Variants in RAPH1 observed in about 807,000 individuals in gnomAD.
RAPH1 encodes the protein ras-associated and pleckstrin homology domains-containing protein 1.
In RAPH1, 18 loss-of-function variants were observed where a neutral mutation model predicts 88.1. That is an observed-to-expected ratio of 0.20 (90% CI 0.14 to 0.30). The LOEUF is 0.30. Ranked by LOEUF, RAPH1 falls within the 10% of genes least tolerant of loss-of-function variation. The probability of loss-of-function intolerance (pLI) is 1.00; values close to 1 mark genes in which losing one functional copy is unlikely to be tolerated. For synonymous variants in RAPH1, 587 were observed against 559.0 expected, an observed-to-expected ratio of 1.05 and a Z score of -0.71; for missense variants, 1,448 against 1,543.2, an observed-to-expected ratio of 0.94 and a Z score of 1.03.
chr2:203,518,305 CG>C (rs1323625666), intron 1 of RAPH1, among the ~76,000 whole-genome samples: 3 of 151,974 alleles, frequency 2.0e-5, no homozygotes, highest in Admixed American at 2.0e-4. Flanking sequence ...CACTTGAGGT[CG>C]GGAGTTTGAG....
chr2:203,441,859 C>T, intron 13 of RAPH1: 1 of 1,342,564 alleles, frequency 7.4e-7, no homozygotes, highest in Non-Finnish European at 9.6e-7. Flanking sequence ...CAAGCAGATG[C>T]TATAACTGGG....
Position 203,448,678 on chromosome 2 carries a change from G to A in RAPH1, c.1512+60C>T, listed in dbSNP as rs1174691472. The A allele has an allele frequency of 2.3e-5, 28 of 1,224,990 alleles. No individual in the cohort carries two copies. The highest frequency in any genetic ancestry group is 3.1e-5 in the African/African-American group (2 of 64,710). 75.9% of individuals were successfully genotyped at this position (1,224,990 alleles called of 1,614,324 possible). ...TAGTCAGAATAGTTGTCATGAAAACGAAAACTATATCATCGACAAACACCT... is the reference window on the plus strand; with the variant it reads ...TAGTCAGAATAGTTGTCATGAAAACAAAAACTATATCATCGACAAACACCT... On this transcript the variant is annotated intron_variant, in intron 11 of 13. Coordinates refer to ENST00000319170, the MANE Select transcript of RAPH1 (RefSeq NM_213589.3). This position sits in a 1 kb window ranked among gnomAD's most constrained non-coding sequence, Gnocchi z 4.1.
At position 203,457,557 on chromosome 2, in the gene RAPH1, T is replaced by C; in HGVS notation, c.1131A>G (p.Ala377=). The C allele has an allele frequency of 6.2e-7, 1 of 1,612,816 alleles. No individual in the cohort carries two copies. The highest frequency in any genetic ancestry group is 8.5e-7 in the Non-Finnish European group (1 of 1,178,846). The change falls in exon 8 of 14, where the codon GCA becomes GCG. Residue 377 remains alanine, a synonymous_variant. Transcript: ENST00000319170. ...CCAAGAGGACTTCTTTGTTTCTATC[T>C]GCCATCTCAGCTGTTTCTTTTTTCC... ...LLGKKETAEM[A]DRNKEVLLEE...
chr2:203,461,978 A>C, intron 4 of RAPH1, 53 bp from the exon 5 acceptor site: 1 of 1,475,582 alleles, frequency 6.8e-7, no homozygotes. Context: ...GAAATATTTG[A>C]GAAATCTTTT....
chr2:203,505,629 C>T (rs1046650793), intron 1 of RAPH1, among the ~76,000 whole-genome samples: 3 of 152,162 alleles, frequency 2.0e-5, no homozygotes, highest in Non-Finnish European at 4.4e-5. Context: ...TTAACTATTA[C>T]ACAATATGCC....
intron 1 of RAPH1, among the ~76,000 whole-genome samples, chr2:203,522,451 T>C (rs1689925276): frequency 6.6e-6 from 1 of 152,226 alleles, no homozygotes; most frequent in Non-Finnish European, 1.5e-5. Flanking sequence ...CTTAATAGAT[T>C]AGAAGATGCA....
At chr2:203,451,015 GGTATAA>G (rs1559453213) in intron 10 of RAPH1, among the ~76,000 whole-genome samples, 1 of 151,942 alleles carries the variant, frequency 6.6e-6, no homozygotes, top group East Asian at 1.9e-4. Context: ...AGAGTACTAT[GGTATAA>G]GTATGAGTCT....
intron 4 of RAPH1, among the ~76,000 whole-genome samples, chr2:203,465,659 G>A (rs2098527906): frequency 6.6e-6 from 1 of 152,148 alleles, no homozygotes; most frequent in African/African-American, 2.4e-5. Flanking sequence ...AGGCCAAGCG[G>A]GCAGATAAGG....
chr2:203,450,710 C>T (rs2153637460), intron 10 of RAPH1, among the ~76,000 whole-genome samples: 1 of 152,340 alleles, frequency 6.6e-6, no homozygotes, highest in Non-Finnish European at 1.5e-5. Flanking sequence ...AGAGACTGTT[C>T]TGCTTCATGG....
chr2:203,452,129 A>G (rs1204100549), intron 10 of RAPH1, among the ~76,000 whole-genome samples: 1 of 152,206 alleles, frequency 6.6e-6, no homozygotes, highest in Non-Finnish European at 1.5e-5. Flanking sequence ...GACAACCTTG[A>G]GCCACTGAAA....
At position 203,511,269 on chromosome 2, in the gene RAPH1, T is replaced by TA. The variant is rs368477075; in HGVS notation, c.1-15917dup. Reference sequence around the variant, plus strand: ...ACTCAAAGCTAAAGGTACATTTCTTTAAAAAAAAAAAAAAGTGGCCAATTT... The same window carrying TA: ...ACTCAAAGCTAAAGGTACATTTCTTTAAAAAAAAAAAAAAAGTGGCCAATTT... On this transcript the variant is annotated intron_variant, in intron 1 of 13. Coordinates refer to ENST00000319170, the MANE Select transcript of RAPH1 (RefSeq NM_213589.3). Among the ~76,000 whole-genome samples the TA allele has an allele frequency of 4.6e-3, 655 of 142,090 alleles. 3 individuals are homozygous for TA. Among genetic ancestry groups the TA allele is most frequent in the East Asian group, 5.7e-3 (28 of 4,940 alleles). 93.2% of individuals were successfully genotyped at this position (142,090 alleles called of 152,430 possible). A position where few individuals can be genotyped will look rare whatever the true frequency, so the allele number is the denominator to read the frequency against.
chr2:203,434,459 G>A lies in RAPH1; in HGVS notation c.*4978C>T, dbSNP rs2098496672. 1 of 152,008 alleles carries A rather than the reference G, an allele frequency of 6.6e-6. No homozygotes were observed. The highest frequency in any genetic ancestry group is 2.4e-5 in the African/African-American group (1 of 41,208). The allele number at this position is 152,008 out of a possible 1,614,324, so 9.4% of individuals were successfully genotyped here. A position where few individuals can be genotyped will look rare whatever the true frequency, so the allele number is the denominator to read the frequency against. ...AGCACAAGCTAATTTTATCTTAAAT[G>A]TACATCTCTGTAAGAGTTCACTAGT... is the stretch of plus-strand genomic sequence containing the variant. On this transcript the variant is annotated 3_prime_UTR_variant, in exon 14 of 14. Coordinates refer to ENST00000319170, the MANE Select transcript of RAPH1 (RefSeq NM_213589.3).
At chr2:203,491,126 GT>G in intron 3 of RAPH1, 87 bp downstream of exon 3, 1 of 719,086 alleles carries the variant, frequency 1.4e-6, no homozygotes, top group Non-Finnish European at 2.3e-6. Flanking sequence ...TTTATATCGA[GT>G]TTTTATATTG....
chr2:203,478,255 C>T (rs1687560551), intron 4 of RAPH1, among the ~76,000 whole-genome samples: 1 of 152,006 alleles, frequency 6.6e-6, no homozygotes, highest in South Asian at 2.1e-4. Flanking sequence ...AGGATGGTCT[C>T]AATCTCCTGA....
chr2:203,455,348 A>T, intron 9 of RAPH1, 89 bp downstream of exon 9: 1 of 1,216,382 alleles, frequency 8.2e-7, no homozygotes, highest in Non-Finnish European at 1.2e-6. Context: ...AACAAATCAT[A>T]GCCTGGGTTC....
chr2:203,494,480 G>A (rs1264618374), intron 2 of RAPH1, among the ~76,000 whole-genome samples: 1 of 152,076 alleles, frequency 6.6e-6, no homozygotes, highest in Non-Finnish European at 1.5e-5. Flanking sequence ...CCCAGAATTA[G>A]GTTTTGTCAG....
In RAPH1 at chr2:203,463,282, T is replaced by C. The variant is rs73060650; in HGVS notation, c.733-1357A>G. 1.8e-3 allele frequency among the ~76,000 whole-genome samples: 277 copies of C among 152,148 alleles called. 3 individuals are homozygous for C. The highest frequency in any genetic ancestry group is 6.4e-3 in the African/African-American group (267 of 41,520). On this transcript the variant is annotated intron_variant, in intron 4 of 13. Coordinates refer to ENST00000319170, the MANE Select transcript of RAPH1 (RefSeq NM_213589.3). ...CTAAGAAGAAAAAATCCTCATCATA[T>C]CAGCCAAACTTTATCCTCTCTGCAT...
At chr2:203,533,308 C>A (rs774406056) in intron 1 of RAPH1, 3 of 152,168 alleles carry the variant, frequency 2.0e-5, no homozygotes, top group Non-Finnish European at 4.4e-5. Flanking sequence ...AGACAGCAAT[C>A]TAAATTATAC....
chr2:203,438,342 G>A lies in RAPH1; in HGVS notation c.*1095C>T. The A allele has an allele frequency of 2.9e-6, 1 of 341,730 alleles. No homozygotes were observed. Among genetic ancestry groups the A allele is most frequent in the Admixed American group, 4.1e-5 (1 of 24,338 alleles). The allele number at this position is 341,730 out of a possible 1,614,324, so 21.2% of individuals were successfully genotyped here. On this transcript the variant is annotated 3_prime_UTR_variant, in exon 14 of 14. Transcript: ENST00000319170. Reference sequence around the variant, plus strand: ...TCTCTCATCACCCTTCCCTTCTATAGAGCAATGCTCAAAAAATGCATTTTA... The same window carrying A: ...TCTCTCATCACCCTTCCCTTCTATAAAGCAATGCTCAAAAAATGCATTTTA...
Sources: allele counts gnomAD v4.1 joint callset (sites outside exome capture counted in the v4.1 genomes callset), GRCh38; gene constraint gnomAD v4.1.1; non-coding constraint Gnocchi (gnomAD v3.1); transcripts MANE v1.5; gene names NCBI Gene and HGNC (gene_info 2026-07-23, HGNC 2026-07-21).